The following WNT9A variants were observed in gnomAD, a reference collection of about 807,000 sequenced individuals.
WNT9A encodes protein Wnt-9a.
WNT9A carries 8 observed loss-of-function variants against 31.4 expected under a neutral mutation model. The ratio of observed to expected loss-of-function variants is 0.26; its 90% CI spans 0.15 to 0.46. WNT9A has a LOEUF of 0.46. Among genes scored for constraint, WNT9A ranks in the 20% least tolerant of loss-of-function variants. The pLI, the probability that WNT9A is intolerant of heterozygous loss-of-function variation, is 0.99. For synonymous variants in WNT9A, 236 were observed against 220.1 expected (o/e 1.07, Z -0.64); for missense variants, 457 against 522.9 (o/e 0.87, Z 1.23).
At position 227,921,611 on chromosome 1, in the gene WNT9A, C is replaced by G; in HGVS notation, c.1005G>C (p.Val335=). 6.2e-7 allele frequency: 1 copy of G among 1,613,486 alleles called. No individual in the cohort carries two copies. The part of the protein sequence containing the change: ...GRGHNTQSRV[V]TRPCQCQVRW... The stretch of plus-strand genomic sequence containing the variant: ...GCACCTGGCACTGGCAGGGCCTTGT[C>G]ACCACCCGGCTCTGTGTGTTATGGC... The change falls in exon 4 of 4, where the codon GTG becomes GTC. Residue 335 remains valine (V), a synonymous_variant. Coordinates refer to ENST00000272164, the MANE Select transcript of WNT9A (RefSeq NM_003395.4).
At chr1:227,935,503 A>C (rs952378700) in intron 1 of WNT9A, among the ~76,000 whole-genome samples, 1 of 152,162 alleles carries the variant, frequency 6.6e-6, no homozygotes, top group Non-Finnish European at 1.5e-5. Flanking sequence ...CTGTGCCCTA[A>C]GCCCTCTGAG....
chr1:227,938,649 AC>A (rs1160257340), intron 1 of WNT9A, among the ~76,000 whole-genome samples: 2 of 152,160 alleles, frequency 1.3e-5, no homozygotes, highest in Non-Finnish European at 2.9e-5. Flanking sequence ...ACACAAACAC[AC>A]ATACATGCAC....
At chr1:227,943,307 G>A (rs1666744272) in intron 1 of WNT9A, among the ~76,000 whole-genome samples, 1 of 152,238 alleles carries the variant, frequency 6.6e-6, no homozygotes. Flanking sequence ...GCAGGGGTAA[G>A]AGCGCCCACA....
At chr1:227,946,439 C>T (rs1275748016) in intron 1 of WNT9A, among the ~76,000 whole-genome samples, 2 of 152,230 alleles carry the variant, frequency 1.3e-5, no homozygotes, top group Admixed American at 1.3e-4. Flanking sequence ...TGAGTCACCG[C>T]GGACCTGTGG....
In WNT9A at chr1:227,925,304, C is replaced by T; in HGVS notation, c.311G>A (p.Cys104Tyr). Residue 104 changes from cysteine (C) to tyrosine (Y), a missense_variant, in exon 2 of 4, where the codon TGC becomes TAC. Physicochemically the swap from Cys to Tyr is radical, Grantham distance 194. Coordinates refer to ENST00000272164, the MANE Select transcript of WNT9A (RefSeq NM_003395.4). This position sits in a 1 kb window ranked among gnomAD's most constrained non-coding sequence, Gnocchi z 6.0. ...QFQFRFERWN[C>Y]TLEGRYRASL... The stretch of plus-strand genomic sequence containing the variant: ...GGCCCGGTAGCGGCCCTCCAGCGTG[C>T]AGTTCCAGCGCTCAAAGCGGAACTG... 1 of 1,588,160 alleles carries T rather than the reference C, an allele frequency of 6.3e-7. No homozygotes were observed. Among genetic ancestry groups the T allele is most frequent in the Non-Finnish European group, 8.6e-7 (1 of 1,168,770 alleles).
intron 1 of WNT9A, among the ~76,000 whole-genome samples, chr1:227,944,525 C>T (rs757985938): frequency 3.3e-5 from 5 of 152,214 alleles, no homozygotes; most frequent in Non-Finnish European, 5.9e-5. Context: ...ACGTGAGTTA[C>T]GGCCAATAAC....
chr1:227,932,020 C>T (rs375685403), intron 1 of WNT9A, among the ~76,000 whole-genome samples: 5 of 152,090 alleles, frequency 3.3e-5, no homozygotes, highest in East Asian at 3.8e-4. Flanking sequence ...CACGCCCAGC[C>T]GGAAATTTCT....
intron 1 of WNT9A, 45 bp downstream of exon 1, chr1:227,947,748 G>A: frequency 2.2e-6 from 2 of 892,462 alleles, no homozygotes; most frequent in Non-Finnish European, 2.7e-6. Context: ...CCCCGGCCCC[G>A]CCGCCCCCGC....
chr1:227,925,373 GTC>G lies in WNT9A; in HGVS notation c.240_241del (p.Glu80AspfsTer20). 1 of 1,611,464 alleles carries G rather than the reference GTC, an allele frequency of 6.2e-7. No individual in the cohort carries two copies. The highest frequency in any genetic ancestry group is 8.5e-7 in the Non-Finnish European group (1 of 1,179,574). On this transcript the variant is annotated frameshift_variant, in exon 2 of 4. Transcript: ENST00000272164. LOFTEE classifies it high-confidence loss of function. The surrounding 1 kb of genome is among the most constrained non-coding windows in gnomAD (Gnocchi z 6.0). ...ACTCATGCTCACGGCCTCCACCAGC[GTC>G]TCTGCCACGCCCGGGTCCCGGCGGC... is the stretch of plus-strand genomic sequence containing the variant.
rs193255026 is a variant in WNT9A, at chr1:227,937,314, G to A, written c.95+10479C>T. ...TTCGAGGCCCCTGTTGTGTTTCTGTGCAGGCCTGGTTAGCTCTGACCCCGG... is the reference window on the plus strand; with the variant it reads ...TTCGAGGCCCCTGTTGTGTTTCTGTACAGGCCTGGTTAGCTCTGACCCCGG... On this transcript the variant is annotated intron_variant, in intron 1 of 3. Coordinates refer to ENST00000272164, the MANE Select transcript of WNT9A (RefSeq NM_003395.4). Among the ~76,000 whole-genome samples the A allele has an allele frequency of 5.3e-5, 8 of 152,290 alleles. No homozygotes were observed. In the East Asian group the frequency reaches 1.5e-3, roughly 29 times the overall value.
At chr1:227,929,457 G>A (rs1666472609) in intron 1 of WNT9A, among the ~76,000 whole-genome samples, 1 of 152,192 alleles carries the variant, frequency 6.6e-6, no homozygotes, top group Non-Finnish European at 1.5e-5. Context: ...AATTCATATG[G>A]TCAAACCTAA....
intron 1 of WNT9A, among the ~76,000 whole-genome samples, chr1:227,929,599 C>G (rs1434218277): frequency 6.6e-6 from 1 of 152,256 alleles, no homozygotes; most frequent in Non-Finnish European, 1.5e-5. Flanking sequence ...TTTGGGAGGC[C>G]AAGGCGGGAG....
At chr1:227,941,014 G>A (rs1047766778) in intron 1 of WNT9A, among the ~76,000 whole-genome samples, 3 of 152,372 alleles carry the variant, frequency 2.0e-5, no homozygotes, top group East Asian at 3.9e-4. Context: ...CGTCCCCGCC[G>A]GGGCTGCACT....
intron 1 of WNT9A, among the ~76,000 whole-genome samples, chr1:227,935,266 A>C (rs1666575111): frequency 6.6e-6 from 1 of 152,020 alleles, no homozygotes; most frequent in Admixed American, 6.5e-5. Context: ...TCAGTTCACC[A>C]TACAGGGCCT....
At chr1:227,924,012 G>C in intron 3 of WNT9A, 126 bp downstream of exon 3, 1 of 1,337,228 alleles carries the variant, frequency 7.5e-7, no homozygotes, top group Non-Finnish European at 1.0e-6. Flanking sequence ...CCTCCTACAG[G>C]AGGCCACTCC....
intron 1 of WNT9A, among the ~76,000 whole-genome samples, chr1:227,937,590 C>T (rs1371380761): frequency 6.6e-6 from 1 of 152,180 alleles, no homozygotes; most frequent in Non-Finnish European, 1.5e-5. Context: ...GACACAGAGG[C>T]GGACGAGAGG....
Position 227,924,172 on chromosome 1 carries a change from C to T in WNT9A, c.581G>A (p.Arg194His), listed in dbSNP as rs141032970. ...CACGAGGTTGTTGTGGAAGTCCACA[C>T]GGGCTCGCAGATCCTTGCTTGACCG... The part of the protein sequence containing the change: ...GRRSSKDLRA[R>H]VDFHNNLVGV... The change falls in exon 3 of 4, where the codon CGT becomes CAT. Residue 194 changes from arginine to histidine, a missense_variant. Coordinates refer to ENST00000272164, the MANE Select transcript of WNT9A (RefSeq NM_003395.4). The T allele has an allele frequency of 3.6e-5, 58 of 1,604,914 alleles. No individual in the cohort carries two copies. Among genetic ancestry groups the T allele is most frequent in the South Asian group, 7.7e-5 (7 of 90,982 alleles).
chr1:227,929,453 T>C (rs1666472544), intron 1 of WNT9A, among the ~76,000 whole-genome samples: 2 of 152,220 alleles, frequency 1.3e-5, no homozygotes, highest in South Asian at 4.1e-4. Flanking sequence ...CCCAAATTCA[T>C]ATGGTCAAAC....
At chr1:227,927,825 C>T (rs1666444989) in intron 1 of WNT9A, among the ~76,000 whole-genome samples, 2 of 152,216 alleles carry the variant, frequency 1.3e-5, no homozygotes, top group Non-Finnish European at 2.9e-5. Flanking sequence ...ACCAGGCCAG[C>T]ATGGGCCCTC....
Sources: allele counts gnomAD v4.1 joint callset (sites outside exome capture counted in the v4.1 genomes callset), GRCh38; gene constraint gnomAD v4.1.1; non-coding constraint Gnocchi (gnomAD v3.1); transcripts MANE v1.5; gene names NCBI Gene and HGNC (gene_info 2026-07-23, HGNC 2026-07-21).